POLK: variants seen among roughly 807,000 people sequenced by gnomAD.
POLK encodes polymerase (DNA directed) kappa.
POLK carries 76 observed loss-of-function variants against 94.0 expected under a neutral mutation model. The ratio of observed to expected loss-of-function variants is 0.81; its 90% CI spans 0.67 to 0.98. POLK has a LOEUF of 0.98. Among genes scored for constraint, POLK ranks in the 50% least tolerant of loss-of-function variants. The probability of loss-of-function intolerance (pLI) is 0.00; values close to 1 mark genes in which losing one functional copy is unlikely to be tolerated. For missense variants in POLK, 954 were observed against 1,010.1 expected, an observed-to-expected ratio of 0.94 and a Z score of 0.75; for synonymous variants, 349 against 325.4, an observed-to-expected ratio of 1.07 and a Z score of -0.78.
intron 10 of POLK, among the ~76,000 whole-genome samples, chr5:75,589,380 TACACACATACACACACAC>T (rs1772639766): frequency 1.0e-4 from 7 of 67,752 alleles, no homozygotes; most frequent in African/African-American, 3.7e-4. Context: ...TTTATATATA[TACACACATACACACACAC>T]ACACACACAC....
chr5:75,593,321 A>C (rs1772888222), intron 11 of POLK, among the ~76,000 whole-genome samples: 1 of 151,890 alleles, frequency 6.6e-6, no homozygotes, highest in Non-Finnish European at 1.5e-5. Flanking sequence ...TATTAGAGAC[A>C]GGGTTTCACC....
chr5:75,605,658 C>T (rs1200860808), downstream of POLK, among the ~76,000 whole-genome samples: 1 of 152,158 alleles, frequency 6.6e-6, no homozygotes, highest in Non-Finnish European at 1.5e-5. Context: ...TAGCTTGGCA[C>T]ATGATCACCC....
intron 1 of POLK, among the ~76,000 whole-genome samples, chr5:75,523,948 G>T (rs1768708036): frequency 6.6e-6 from 1 of 151,972 alleles, no homozygotes; most frequent in Non-Finnish European, 1.5e-5. Flanking sequence ...TGGCCAACAT[G>T]GTGAAACCTC....
chr5:75,583,268 G>T, intron 7 of POLK, 25 bp from the exon 8 acceptor site: 1 of 1,539,286 alleles, frequency 6.5e-7, no homozygotes, highest in South Asian at 1.3e-5. Flanking sequence ...ACTTCTTTGA[G>T]TCATCAGAGT....
chr5:75,552,577 A>G (rs757291075), exon 3 of POLK: 1 of 1,609,940 alleles, frequency 6.2e-7, no homozygotes, highest in Admixed American at 1.7e-5. Flanking sequence ...ACAGCTAAGA[A>G]AAGCACAATT....
At chr5:75,586,325 G>A (rs1008329337) in intron 9 of POLK, among the ~76,000 whole-genome samples, 1 of 151,964 alleles carries the variant, frequency 6.6e-6, no homozygotes, top group Non-Finnish European at 1.5e-5. Context: ...TTTGTTATCT[G>A]TCTTTCTCCA....
chr5:75,569,471 T>C (rs3097150), exon 4 of POLK: 1 of 1,612,746 alleles, frequency 6.2e-7, no homozygotes, highest in Non-Finnish European at 8.5e-7. Flanking sequence ...AACCCATTGC[T>C]GTAGGATCAA....
intron 13 of POLK, 123 bp from the exon 14 acceptor site, chr5:75,597,624 A>G (rs977055850): frequency 1.0e-5 from 5 of 484,898 alleles, no homozygotes; most frequent in African/African-American, 4.1e-5. Flanking sequence ...GTGTGTTTAC[A>G]TATGAACTAT....
At chr5:75,588,006 G>A (rs879444115) in intron 10 of POLK, among the ~76,000 whole-genome samples, 2 of 151,780 alleles carry the variant, frequency 1.3e-5, no homozygotes, top group Admixed American at 1.3e-4. Flanking sequence ...CAGAAAAGCT[G>A]ATTAACTTTT....
chr5:75,563,196 A>T (rs934867831), intron 3 of POLK, among the ~76,000 whole-genome samples: 1 of 152,262 alleles, frequency 6.6e-6, no homozygotes, highest in East Asian at 1.9e-4. Context: ...TCCCAACCGC[A>T]GGTGATCTGC....
intron 10 of POLK, among the ~76,000 whole-genome samples, chr5:75,587,496 G>A (rs1772532575): frequency 6.6e-6 from 1 of 152,114 alleles, no homozygotes; most frequent in African/African-American, 2.4e-5. Flanking sequence ...CTAGTTTAGT[G>A]GTTTACAATC....
chr5:75,515,894 T>G (rs544978114), intron 1 of POLK, among the ~76,000 whole-genome samples: 1 of 152,200 alleles, frequency 6.6e-6, no homozygotes, highest in Non-Finnish European at 1.5e-5. Context: ...TCGTCTCTAG[T>G]ATAATAAAAA....
At chr5:75,541,911 A>AT (rs1004193729) in intron 1 of POLK, among the ~76,000 whole-genome samples, 5 of 152,184 alleles carry the variant, frequency 3.3e-5, no homozygotes, top group Non-Finnish European at 5.9e-5. Flanking sequence ...TTGAATTGTG[A>AT]TTTTTTATTT....
At chr5:75,594,148 C>T in intron 12 of POLK, 99 bp downstream of exon 12, 1 of 734,650 alleles carries the variant, frequency 1.4e-6, no homozygotes, top group Non-Finnish European at 2.3e-6. Context: ...AACAATGGTT[C>T]AACTTAATGA....
chr5:75,583,421 A>C lies in POLK; in HGVS notation c.1059+4A>C, dbSNP rs772754105. On this transcript the variant is annotated splice_donor_region_variant and intron_variant, in intron 8 of 14. Transcript: ENST00000241436. Reference sequence around the variant, plus strand: ...CAAGGATTTACCCATTAGAAAGGTAAGATTTTTACATAAAGTTTATTTATA... The same window carrying C: ...CAAGGATTTACCCATTAGAAAGGTACGATTTTTACATAAAGTTTATTTATA... The C allele has an allele frequency of 3.8e-6, 6 of 1,577,502 alleles. No individual in the cohort carries two copies. The highest frequency in any genetic ancestry group is 5.2e-6 in the Non-Finnish European group (6 of 1,151,470).
intron 13 of POLK, chr5:75,597,392 A>T (rs1773147964): frequency 2.0e-6 from 1 of 502,418 alleles, no homozygotes; most frequent in Non-Finnish European, 3.5e-6. Flanking sequence ...ATCTTGATTT[A>T]GCACAGAATG....
At chr5:75,544,630 A>G (rs5744574) in intron 1 of POLK, among the ~76,000 whole-genome samples, 7,505 of 151,518 alleles carry the variant, frequency 0.05, 556 homozygotes, top group African/African-American at 0.17. Context: ...TGACAGAGTG[A>G]GACTTTGTCT....
chr5:75,517,334 T>C (rs1768368704), intron 1 of POLK, among the ~76,000 whole-genome samples: 2 of 152,198 alleles, frequency 1.3e-5, no homozygotes, highest in African/African-American at 4.8e-5. Context: ...TTTATAGTTT[T>C]CTTTTACAGA....
intron 1 of POLK, among the ~76,000 whole-genome samples, chr5:75,544,486 A>AGGG (rs1769909422): frequency 6.6e-6 from 1 of 152,174 alleles, no homozygotes; most frequent in African/African-American, 2.4e-5. Flanking sequence ...TACTAAAAAT[A>AGGG]CAAAAATTAA....
Sources: gnomAD v4.1 joint callset for allele counts (sites outside exome capture counted in the v4.1 genomes callset) on GRCh38, gnomAD v4.1.1 for gene constraint, MANE v1.5 for transcripts, NCBI Gene and HGNC (gene_info 2026-07-23, HGNC 2026-07-21) for gene names.